Variants in ADAMTSL3 observed in about 807,000 individuals in gnomAD.
The protein encoded by ADAMTSL3 is ADAMTS-like protein 3.
Under a neutral mutation model 201.7 loss-of-function variants are expected in ADAMTSL3, and 128 were observed. The ratio of observed to expected loss-of-function variants is 0.63; its 90% CI spans 0.55 to 0.73. The LOEUF (loss-of-function observed/expected upper bound fraction) is 0.73, where lower values mean the gene tolerates loss of function less well. Ranked by LOEUF, ADAMTSL3 falls within the 30% of genes least tolerant of loss-of-function variation. The pLI is 0.00. For missense variants in ADAMTSL3, 1,990 were observed against 2,119.6 expected (o/e 0.94, Z 1.20); for synonymous variants, 738 against 748.4 (o/e 0.99, Z 0.23).
intron 2 of ADAMTSL3, among the ~76,000 whole-genome samples, chr15:83,663,551 G>A (rs1868738461): frequency 6.6e-6 from 1 of 152,144 alleles, no homozygotes; most frequent in East Asian, 1.9e-4. Context: ...TCCTTTCTTA[G>A]TGTACTGTGC....
Position 83,829,310 on chromosome 15 carries a change from G to A in ADAMTSL3, c.601-8779G>A, listed in dbSNP as rs1212284622. 2.6e-5 allele frequency among the ~76,000 whole-genome samples: 4 copies of A among 152,190 alleles called. No homozygotes were observed. In the East Asian group the frequency reaches 7.7e-4, roughly 29 times the overall value. ...TTCTTCTAGATTTTCTAGTTTATTT[G>A]CGTAGAGCTGTTTATAGTATTCCCT... On this transcript the variant is annotated intron_variant, in intron 6 of 29. Transcript: ENST00000286744.
At chr15:83,885,070 C>A in intron 9 of ADAMTSL3, 31 bp from the exon 10 acceptor site, 1 of 1,473,838 alleles carries the variant, frequency 6.8e-7, no homozygotes, top group Non-Finnish European at 9.5e-7. Flanking sequence ...TCCTTGTTTG[C>A]ACGTGTGTTC....
intron 3 of ADAMTSL3, among the ~76,000 whole-genome samples, chr15:83,706,057 C>G (rs1196661100): frequency 6.6e-6 from 1 of 152,124 alleles, no homozygotes; most frequent in Non-Finnish European, 1.5e-5. Flanking sequence ...TCTGCCTTCC[C>G]CCTTCCCTTG....
At chr15:84,028,113 G>C (rs2068342937) in intron 27 of ADAMTSL3, among the ~76,000 whole-genome samples, 1 of 152,184 alleles carries the variant, frequency 6.6e-6, no homozygotes, top group Admixed American at 6.5e-5. Context: ...GGAATTAGGA[G>C]TGACTGTTAA....
At chr15:83,868,890 G>T (rs765841077) in intron 8 of ADAMTSL3, among the ~76,000 whole-genome samples, 4 of 152,074 alleles carry the variant, frequency 2.6e-5, no homozygotes, top group Non-Finnish European at 5.9e-5. Flanking sequence ...CAAAAATGCT[G>T]GCCTATGGTT....
rs370955662 is a variant in ADAMTSL3 at position 83,965,981 on chromosome 15, C to A, written c.2491-4503C>A. Among the ~76,000 whole-genome samples the A allele has an allele frequency of 9.2e-5, 14 of 152,174 alleles. No individual in the cohort carries two copies. In the East Asian group the frequency reaches 1.9e-3, roughly 21 times the overall value. On this transcript the variant is annotated intron_variant, in intron 19 of 29. Coordinates refer to ENST00000286744, the MANE Select transcript of ADAMTSL3 (RefSeq NM_207517.3). ...GCAGAAATAAATACGTTATTTGAAA[C>A]CAATAAGAACAAAGACACAATGTAC...
At chr15:83,906,225 C>T (rs1011828624) in intron 15 of ADAMTSL3, among the ~76,000 whole-genome samples, 1 of 152,180 alleles carries the variant, frequency 6.6e-6, no homozygotes, top group Non-Finnish European at 1.5e-5. Flanking sequence ...TCTCACCTAA[C>T]CTTACATAAA....
At position 84,028,467 on chromosome 15, in the gene ADAMTSL3, G is replaced by A. The variant is rs527854038; in HGVS notation, c.4657-2868G>A. ...ATAAATTATAAGGACAAATTAATAG[G>A]TATTATTATAAATAAGTAAAAATTT... On this transcript the variant is annotated intron_variant, in intron 27 of 29. Coordinates refer to ENST00000286744, the MANE Select transcript of ADAMTSL3 (RefSeq NM_207517.3). Among the ~76,000 whole-genome samples, 184 of 152,064 alleles carry A rather than the reference G, an allele frequency of 1.2e-3. 2 individuals carry two copies. The highest frequency in any genetic ancestry group is 4.2e-3 in the African/African-American group (176 of 41,470).
At chr15:83,680,608 A>T (rs1244195693) in intron 2 of ADAMTSL3, among the ~76,000 whole-genome samples, 1 of 151,386 alleles carries the variant, frequency 6.6e-6, no homozygotes, top group Non-Finnish European at 1.5e-5. Flanking sequence ...CTTTAAGAAC[A>T]TCAATTTTCC....
chr15:83,689,038 G>T (rs1397482238), intron 2 of ADAMTSL3, among the ~76,000 whole-genome samples: 2 of 152,108 alleles, frequency 1.3e-5, no homozygotes, highest in Non-Finnish European at 2.9e-5. Flanking sequence ...GCCCAGGCTG[G>T]TCTCGAACTC....
intron 8 of ADAMTSL3, chr15:83,862,180 G>A (rs1349094264): frequency 2.6e-5 from 4 of 152,228 alleles, no homozygotes; most frequent in Non-Finnish European, 5.9e-5. Context: ...ATGGAACCAA[G>A]TTGGAAAACA....
intron 4 of ADAMTSL3, among the ~76,000 whole-genome samples, chr15:83,781,450 C>T (rs1012350456): frequency 6.6e-6 from 1 of 152,122 alleles, no homozygotes; most frequent in Non-Finnish European, 1.5e-5. Context: ...ACATCATATA[C>T]AAAAATTAAC....
In ADAMTSL3 at chr15:83,805,821, G is replaced by C. The variant is rs190010526; in HGVS notation, c.363+1126G>C. On this transcript the variant is annotated intron_variant, in intron 5 of 29. Coordinates refer to ENST00000286744, the MANE Select transcript of ADAMTSL3 (RefSeq NM_207517.3). ...CAGTAACTCAAGATGGCAGCATAGG[G>C]AGGAGGGCGAAGTACTCTGCCTCTA... Among the ~76,000 whole-genome samples, 325 of 152,324 alleles carry C rather than the reference G, an allele frequency of 2.1e-3. 1 individual carries two copies. The highest frequency in any genetic ancestry group is 7.5e-3 in the African/African-American group (310 of 41,566).
chr15:83,903,242 CTTT>C (rs3044648), intron 15 of ADAMTSL3, among the ~76,000 whole-genome samples: 1 of 133,476 alleles, frequency 7.5e-6, no homozygotes, highest in East Asian at 2.3e-4. Flanking sequence ...GCTGCCAGAT[CTTT>C]TTTTTTTTTT....
chr15:83,903,165 T>G (rs912957083), intron 15 of ADAMTSL3, among the ~76,000 whole-genome samples: 3 of 151,754 alleles, frequency 2.0e-5, no homozygotes, highest in Non-Finnish European at 4.4e-5. Flanking sequence ...TGTGGTGATT[T>G]CCAGGCCCCA....
intron 3 of ADAMTSL3, among the ~76,000 whole-genome samples, chr15:83,747,055 C>T (rs185063935): frequency 6.9e-4 from 105 of 152,166 alleles, no homozygotes; most frequent in African/African-American, 2.4e-3. Context: ...GTGTGGACAT[C>T]GAGAAAAATG....
At chr15:83,689,663 A>G (rs1478709898) in intron 2 of ADAMTSL3, among the ~76,000 whole-genome samples, 1 of 152,024 alleles carries the variant, frequency 6.6e-6, no homozygotes, top group Admixed American at 6.5e-5. Context: ...TGTTAGATTT[A>G]TTTTGTCTTT....
At chr15:83,683,076 G>A (rs991079363) in intron 2 of ADAMTSL3, among the ~76,000 whole-genome samples, 2 of 152,168 alleles carry the variant, frequency 1.3e-5, no homozygotes, top group African/African-American at 4.8e-5. Flanking sequence ...TCAATTTAAG[G>A]CATTGGCTCA....
At chr15:84,033,922 G>A (rs1201724171) in intron 28 of ADAMTSL3, among the ~76,000 whole-genome samples, 1 of 152,202 alleles carries the variant, frequency 6.6e-6, no homozygotes, top group Non-Finnish European at 1.5e-5. Context: ...CAAGAGATAT[G>A]AAAGTGAAAT....
Sources: allele counts gnomAD v4.1 joint callset (sites outside exome capture counted in the v4.1 genomes callset), GRCh38; gene constraint gnomAD v4.1.1; transcripts MANE v1.5; gene names NCBI Gene and HGNC (gene_info 2026-07-23, HGNC 2026-07-21).